Variants in CDKAL1 observed in about 807,000 individuals in gnomAD.
The protein encoded by CDKAL1 is CDKAL1 threonylcarbamoyladenosine tRNA methylthiotransferase, also known as threonylcarbamoyladenosine tRNA methylthiotransferase.
A neutral mutation model predicts 68.2 loss-of-function variants in CDKAL1; 32 were observed. That is an observed-to-expected ratio of 0.47 (90% CI 0.35 to 0.63). The LOEUF is 0.63. CDKAL1 is among the 30% of genes least tolerant of loss of function. The pLI is 0.00. For missense variants in CDKAL1, 606 were observed against 696.7 expected, an observed-to-expected ratio of 0.87 and a Z score of 1.47; for synonymous variants, 234 against 244.3, an observed-to-expected ratio of 0.96 and a Z score of 0.39.
intron 5 of CDKAL1, among the ~76,000 whole-genome samples, chr6:20,669,677 C>T (rs1003747057): frequency 6.6e-6 from 1 of 152,168 alleles, no homozygotes; most frequent in Non-Finnish European, 1.5e-5. Flanking sequence ...CTCCTGTATC[C>T]TTTTAATATG....
At chr6:21,230,462 C>A (rs190098297) in intron 15 of CDKAL1, among the ~76,000 whole-genome samples, 2 of 152,214 alleles carry the variant, frequency 1.3e-5, no homozygotes, top group African/African-American at 4.8e-5. Flanking sequence ...ACACCTGGCC[C>A]ATGGTGTTTC....
chr6:20,754,036 G>T (rs1774058401), intron 6 of CDKAL1, among the ~76,000 whole-genome samples: 1 of 152,002 alleles, frequency 6.6e-6, no homozygotes, highest in Non-Finnish European at 1.5e-5. Flanking sequence ...CTGGAGTCCA[G>T]TGGTGTGATC....
At chr6:20,695,531 T>A (rs1197578645) in intron 5 of CDKAL1, among the ~76,000 whole-genome samples, 1 of 152,164 alleles carries the variant, frequency 6.6e-6, no homozygotes, top group Non-Finnish European at 1.5e-5. Flanking sequence ...AGAAGTGATA[T>A]TTATACATTA....
intron 11 of CDKAL1, among the ~76,000 whole-genome samples, chr6:21,021,770 A>C (rs1216290722): frequency 1.3e-5 from 2 of 152,096 alleles, no homozygotes; most frequent in African/African-American, 4.8e-5. Context: ...TACCTCACCT[A>C]AGGTAGCACC....
intron 8 of CDKAL1, among the ~76,000 whole-genome samples, chr6:20,794,698 A>G (rs976320501): frequency 2.6e-5 from 4 of 152,112 alleles, no homozygotes; most frequent in African/African-American, 9.6e-5. Flanking sequence ...CTGAGGCCCC[A>G]AGGACTAATG....
chr6:20,702,610 G>A (rs1415751970), intron 5 of CDKAL1, among the ~76,000 whole-genome samples: 1 of 152,170 alleles, frequency 6.6e-6, no homozygotes, highest in Non-Finnish European at 1.5e-5. Context: ...TGGCCTGCTG[G>A]TGTCTGTTGT....
intron 1 of CDKAL1, among the ~76,000 whole-genome samples, 166 bp downstream of exon 1, chr6:20,534,740 G>T (rs57228197): frequency 2.6e-5 from 4 of 152,158 alleles, no homozygotes; most frequent in African/African-American, 9.7e-5. Context: ...GGCAGATGGG[G>T]CTTCCAGGAG....
chr6:20,681,117 T>C (rs6911742), intron 5 of CDKAL1, among the ~76,000 whole-genome samples: 15,192 of 152,248 alleles, frequency 0.1, 2,455 homozygotes, highest in African/African-American at 0.34. Context: ...GCCTCTTCCC[T>C]GTTGGTCCAC....
Position 20,684,762 on chromosome 6 carries a change from G to A in CDKAL1, c.371+35385G>A, listed in dbSNP as rs374597463. ...TTGCTTTAATTTGCATTTTCCTGATGACATATGATGTGGAGCATATTTTTA... is the reference window on the plus strand; with the variant it reads ...TTGCTTTAATTTGCATTTTCCTGATAACATATGATGTGGAGCATATTTTTA... On this transcript the variant is annotated intron_variant, in intron 5 of 15. Transcript: ENST00000274695. 2.6e-5 allele frequency among the ~76,000 whole-genome samples: 4 copies of A among 152,272 alleles called. No individual in the cohort carries two copies. The East Asian group carries it at 7.7e-4, about 29-fold the overall frequency.
rs34599800 is a variant in CDKAL1, at chr6:21,184,823, ATTTTTTTTT to A, written c.1300-13184_1300-13176del. On this transcript the variant is annotated intron_variant, in intron 13 of 15. Transcript: ENST00000274695. ...AGGTGTGCACTACCACGTGCAGCTA[ATTTTTTTTT>A]TTTTTTTTTTTTTCTGTAGAGATGG... 5.6e-4 allele frequency among the ~76,000 whole-genome samples: 57 copies of A among 101,630 alleles called. 1 individual carries two copies. Among genetic ancestry groups the A allele is most frequent in the African/African-American group, 1.7e-3 (42 of 24,188 alleles). The allele number at this position is 101,630 out of a possible 152,430, so 66.7% of individuals were successfully genotyped here.
At chr6:20,679,148 A>T (rs1373270357) in intron 5 of CDKAL1, among the ~76,000 whole-genome samples, 1 of 152,208 alleles carries the variant, frequency 6.6e-6, no homozygotes, top group East Asian at 1.9e-4. Flanking sequence ...TCCTGGCCTC[A>T]AGCAACCCTC....
intron 13 of CDKAL1, among the ~76,000 whole-genome samples, chr6:21,151,973 C>T (rs991192166): frequency 6.6e-6 from 1 of 152,198 alleles, no homozygotes; most frequent in Non-Finnish European, 1.5e-5. Flanking sequence ...ATTCTACTTG[C>T]TCCATCCTTA....
chr6:20,684,303 G>T (rs755270202), intron 5 of CDKAL1, among the ~76,000 whole-genome samples: 2 of 152,144 alleles, frequency 1.3e-5, no homozygotes, highest in Non-Finnish European at 1.5e-5. Flanking sequence ...TTAGCTGGGC[G>T]TGGTGGCATG....
At chr6:21,192,215 G>C (rs1778283110) in intron 13 of CDKAL1, among the ~76,000 whole-genome samples, 3 of 149,072 alleles carry the variant, frequency 2.0e-5, no homozygotes, top group Admixed American at 2.0e-4. Context: ...TAGAGACGGG[G>C]TTTCACCTTG....
intron 11 of CDKAL1, among the ~76,000 whole-genome samples, chr6:21,013,651 T>A (rs1257011127): frequency 6.6e-6 from 1 of 152,222 alleles, no homozygotes. Context: ...AGTTAACATT[T>A]GTACTGTCTT....
intron 13 of CDKAL1, among the ~76,000 whole-genome samples, chr6:21,177,958 T>G (rs1777650538): frequency 6.6e-6 from 1 of 152,170 alleles, no homozygotes; most frequent in South Asian, 2.1e-4. Flanking sequence ...TCTTTAAGCT[T>G]TTCCCATTTT....
intron 5 of CDKAL1, among the ~76,000 whole-genome samples, chr6:20,665,760 C>G (rs1367156896): frequency 6.6e-6 from 1 of 151,352 alleles, no homozygotes; most frequent in Non-Finnish European, 1.5e-5. Flanking sequence ...CAATTTTATT[C>G]CAGGAGCTAC....
chr6:20,592,799 A>G (rs2127702294), intron 4 of CDKAL1, among the ~76,000 whole-genome samples: 1 of 152,230 alleles, frequency 6.6e-6, no homozygotes, highest in South Asian at 2.1e-4. Context: ...GGTATTGGCT[A>G]TGGATTTGTC....
chr6:21,186,143 C>G (rs1216738927), intron 13 of CDKAL1, among the ~76,000 whole-genome samples: 4 of 152,138 alleles, frequency 2.6e-5, no homozygotes, highest in African/African-American at 9.7e-5. Flanking sequence ...TTGCCCACTG[C>G]TGAAAGATTG....
Sources: gnomAD v4.1 joint callset for allele counts (sites outside exome capture counted in the v4.1 genomes callset) on GRCh38, gnomAD v4.1.1 for gene constraint, MANE v1.5 for transcripts, NCBI Gene and HGNC (gene_info 2026-07-23, HGNC 2026-07-21) for gene names.